COL21A1: variants seen among roughly 807,000 people sequenced by gnomAD.
The protein encoded by COL21A1 is collagen alpha-1(XXI) chain.
In COL21A1, 149 loss-of-function variants were observed where a neutral mutation model predicts 137.9. The ratio of observed to expected loss-of-function variants is 1.08; its 90% CI spans 0.95 to 1.24. The LOEUF is 1.24. Among genes scored for constraint, COL21A1 ranks in the 50% most tolerant of loss-of-function variants. COL21A1 has a pLI of 0.00. For synonymous variants in COL21A1, 456 were observed against 391.5 expected, an observed-to-expected ratio of 1.16 and a Z score of -1.95; for missense variants, 1,167 against 1,158.4, an observed-to-expected ratio of 1.01 and a Z score of -0.11.
intron 3 of COL21A1, among the ~76,000 whole-genome samples, chr6:56,173,771 TA>T (rs1777240775): frequency 6.6e-6 from 1 of 152,128 alleles, no homozygotes; most frequent in African/African-American, 2.4e-5. Flanking sequence ...AGGATTTCAA[TA>T]ATGATTAGAA....
rs185921699 is a variant in COL21A1, at chr6:56,059,838, A to C, written c.2608+180T>G. On this transcript the variant is annotated intron_variant, in intron 28 of 29. Coordinates refer to ENST00000244728, the MANE Select transcript of COL21A1 (RefSeq NM_030820.4). ...TTCATAAATTTGACTTCTCTTTTTG[A>C]GAATATTGCATTAAGAAAATAATTT... 3.7e-3 allele frequency among the ~76,000 whole-genome samples: 557 copies of C among 152,312 alleles called. 7 individuals are homozygous for C. The highest frequency in any genetic ancestry group is 0.013 in the African/African-American group (530 of 41,574).
At chr6:56,149,027 C>T (rs943929125) in intron 10 of COL21A1, among the ~76,000 whole-genome samples, 1 of 152,192 alleles carries the variant, frequency 6.6e-6, no homozygotes, top group African/African-American at 2.4e-5. Flanking sequence ...ATTGCATCAG[C>T]CTTTTAGGCA....
At chr6:56,109,108 T>G (rs530105581) in intron 16 of COL21A1, among the ~76,000 whole-genome samples, 29 of 150,562 alleles carry the variant, frequency 1.9e-4, no homozygotes, top group African/African-American at 6.3e-4. Flanking sequence ...ACTACTTAGA[T>G]AAAAAATAAC....
At chr6:56,200,709 G>A (rs982997054) in intron 1 of COL21A1, among the ~76,000 whole-genome samples, 3 of 151,972 alleles carry the variant, frequency 2.0e-5, no homozygotes, top group Non-Finnish European at 2.9e-5. Flanking sequence ...ATCATTGTTG[G>A]ACATATGGCT....
chr6:56,269,033 A>G (rs566220411), intron 1 of COL21A1, among the ~76,000 whole-genome samples: 31 of 152,350 alleles, frequency 2.0e-4, no homozygotes, highest in African/African-American at 7.2e-4. Flanking sequence ...GAGCTCAAAG[A>G]CCAGTTCTTC....
At chr6:56,267,195 G>A (rs1252387681) in intron 1 of COL21A1, among the ~76,000 whole-genome samples, 2 of 152,182 alleles carry the variant, frequency 1.3e-5, no homozygotes, top group Non-Finnish European at 2.9e-5. Flanking sequence ...CATACCTTGA[G>A]AGTCAACAAA....
intron 1 of COL21A1, among the ~76,000 whole-genome samples, chr6:56,204,963 C>T (rs116599901): frequency 0.013 from 2,019 of 152,252 alleles, 45 homozygotes; most frequent in African/African-American, 0.045. Flanking sequence ...GATGTCCATT[C>T]AGAGATCCCA....
chr6:56,077,998 A>G, intron 17 of COL21A1: 2 of 438,862 alleles, frequency 4.6e-6, no homozygotes, highest in East Asian at 1.4e-4. Context: ...AATTAATTTA[A>G]TTAAATGATT....
intron 1 of COL21A1, among the ~76,000 whole-genome samples, chr6:56,184,001 A>G (rs77004257): frequency 0.022 from 3,290 of 152,308 alleles, 120 homozygotes; most frequent in African/African-American, 0.075. Context: ...ATGAAACCCC[A>G]AGGCATAAAA....
At chr6:56,106,388 T>C (rs1448831224) in intron 16 of COL21A1, among the ~76,000 whole-genome samples, 1 of 152,218 alleles carries the variant, frequency 6.6e-6, no homozygotes, top group Non-Finnish European at 1.5e-5. Flanking sequence ...GAGCTTCTTA[T>C]CTGTGTATAA....
intron 1 of COL21A1, among the ~76,000 whole-genome samples, chr6:56,311,440 T>C (rs1368974075): frequency 6.6e-6 from 1 of 152,170 alleles, no homozygotes; most frequent in Non-Finnish European, 1.5e-5. Context: ...GGAAGAACAT[T>C]GAGAAGAAAG....
intron 1 of COL21A1, among the ~76,000 whole-genome samples, chr6:56,301,842 A>T (rs1487879092): frequency 1.3e-4 from 12 of 95,940 alleles, no homozygotes; most frequent in Admixed American, 7.1e-4. Context: ...GTATATCTCC[A>T]AATGCTATTT....
At chr6:56,253,707 C>T (rs569901937) in intron 1 of COL21A1, among the ~76,000 whole-genome samples, 21 of 152,318 alleles carry the variant, frequency 1.4e-4, no homozygotes, top group African/African-American at 4.8e-4. Flanking sequence ...AATTCAGATA[C>T]TGAAAGACTC....
chr6:56,176,824 G>A (rs552484929), intron 3 of COL21A1, among the ~76,000 whole-genome samples: 1 of 149,266 alleles, frequency 6.7e-6, no homozygotes, highest in South Asian at 2.1e-4. Context: ...TTATATGAGG[G>A]GGAAAGAGAA....
At position 56,295,355 on chromosome 6, in the gene COL21A1, T is replaced by C. The variant is rs575793897; in HGVS notation, c.-39+98616A>G. 2.6e-5 allele frequency among the ~76,000 whole-genome samples: 4 copies of C among 152,156 alleles called. No individual in the cohort carries two copies. The East Asian group carries it at 5.8e-4, about 22-fold the overall frequency. On this transcript the variant is annotated intron_variant, in intron 1 of 28. Coordinates refer to the COL21A1 transcript ENST00000370819. The stretch of plus-strand genomic sequence containing the variant: ...CACTGTTTTGAATACTGTAGCTTCA[T>C]AGTAAGTTTTGAAGTCCAGCTATGT...
At position 56,174,711 on chromosome 6, in the gene COL21A1, T is replaced by C. The variant is rs565214984; in HGVS notation, c.641-3583A>G. ...AAAGCCTAGTACCAGGTGGCTTCAG[T>C]GGTGAATTCTACCAGACATTTAAAG... is the stretch of plus-strand genomic sequence containing the variant. On this transcript the variant is annotated intron_variant, in intron 3 of 29. Coordinates refer to ENST00000244728, the MANE Select transcript of COL21A1 (RefSeq NM_030820.4). Among the ~76,000 whole-genome samples the C allele has an allele frequency of 3.4e-4, 52 of 152,154 alleles. 1 individual carries two copies. Among genetic ancestry groups the C allele is most frequent in the Admixed American group, 2.2e-3 (34 of 15,286 alleles).
chr6:56,059,953 T>C (rs2076326835), intron 28 of COL21A1, 65 bp downstream of exon 28: 2 of 1,162,304 alleles, frequency 1.7e-6, no homozygotes, highest in South Asian at 1.4e-5. Flanking sequence ...TAAATGGATA[T>C]AGGGTATGAA....
intron 1 of COL21A1, among the ~76,000 whole-genome samples, chr6:56,284,207 C>T (rs1467681860): frequency 6.8e-6 from 1 of 147,232 alleles, no homozygotes; most frequent in African/African-American, 2.5e-5. Flanking sequence ...GCCACCACAC[C>T]CAGCTAAATT....
chr6:56,218,859 C>T (rs891768978), intron 1 of COL21A1, among the ~76,000 whole-genome samples: 2 of 152,028 alleles, frequency 1.3e-5, no homozygotes, highest in Non-Finnish European at 2.9e-5. Flanking sequence ...TAGTGGCCAG[C>T]CATCAGAAGT....
Sources: gnomAD v4.1 joint callset for allele counts (sites outside exome capture counted in the v4.1 genomes callset) on GRCh38, gnomAD v4.1.1 for gene constraint, MANE v1.5 for transcripts, NCBI Gene and HGNC (gene_info 2026-07-23, HGNC 2026-07-21) for gene names.